RNGTT: variants seen among roughly 807,000 people sequenced by gnomAD.
RNGTT encodes mRNA-capping enzyme.
A neutral mutation model predicts 79.3 loss-of-function variants in RNGTT; 33 were observed. The observed-to-expected ratio is 0.42, with a 90% CI of 0.32 to 0.56. The LOEUF (loss-of-function observed/expected upper bound fraction) is 0.56, where lower values mean the gene tolerates loss of function less well. RNGTT is among the 20% of genes least tolerant of loss of function. The pLI is 0.17. For synonymous variants in RNGTT, 222 were observed against 235.9 expected (o/e 0.94, Z 0.54); for missense variants, 497 against 739.1 (o/e 0.67, Z 3.80).
At chr6:88,749,037 G>C (rs939511809) in intron 13 of RNGTT, among the ~76,000 whole-genome samples, 1 of 152,072 alleles carries the variant, frequency 6.6e-6, no homozygotes, top group African/African-American at 2.4e-5. Context: ...AACAAGGAAA[G>C]TCAGAAGATA....
intron 4 of RNGTT, among the ~76,000 whole-genome samples, chr6:88,910,222 A>C (rs1231394332): frequency 6.6e-6 from 1 of 152,232 alleles, no homozygotes; most frequent in Non-Finnish European, 1.5e-5. Context: ...GTTGAAATCC[A>C]ATCCAAGGAA....
chr6:88,678,909 T>C (rs1471266296), intron 13 of RNGTT, among the ~76,000 whole-genome samples: 1 of 152,196 alleles, frequency 6.6e-6, no homozygotes, highest in East Asian at 1.9e-4. Context: ...TTGAACAGCA[T>C]GAGTCCACTT....
At chr6:88,617,514 G>A (rs1048896026) in intron 14 of RNGTT, among the ~76,000 whole-genome samples, 2 of 152,036 alleles carry the variant, frequency 1.3e-5, no homozygotes, top group South Asian at 2.1e-4. Flanking sequence ...ATTTATTTCT[G>A]GGCTCTCTAT....
intron 13 of RNGTT, among the ~76,000 whole-genome samples, chr6:88,754,023 T>C (rs1476719072): frequency 6.6e-6 from 1 of 152,176 alleles, no homozygotes; most frequent in African/African-American, 2.4e-5. Context: ...ATTCTTGTCA[T>C]AATTTATAAA....
intron 8 of RNGTT, among the ~76,000 whole-genome samples, chr6:88,856,322 T>C (rs1320087252): frequency 6.6e-6 from 1 of 152,136 alleles, no homozygotes; most frequent in Non-Finnish European, 1.5e-5. Flanking sequence ...ACTGAAATTA[T>C]ATTTCCCCTT....
rs372077261 is a variant in RNGTT at position 88,963,433 on chromosome 6, C to G, written c.-24G>C. ...ATGTCTTGGGGCTGCGCAGAGCTGC[C>G]CTCCCTCACCAACGTTCACCGCGCC... On this transcript the variant is annotated 5_prime_UTR_variant, in exon 1 of 16. Coordinates refer to ENST00000369485, the MANE Select transcript of RNGTT (RefSeq NM_003800.5). 95 of 1,545,050 alleles carry G rather than the reference C, an allele frequency of 6.1e-5. No homozygotes were observed. The highest frequency in any genetic ancestry group is 8.2e-5 in the Non-Finnish European group (94 of 1,141,778).
At chr6:88,777,537 T>C (rs891071857) in intron 12 of RNGTT, among the ~76,000 whole-genome samples, 3 of 152,212 alleles carry the variant, frequency 2.0e-5, no homozygotes, top group Non-Finnish European at 4.4e-5. Flanking sequence ...GTTAAATTTA[T>C]TCCTAGGTAT....
At chr6:88,807,264 TAAATAA>T in intron 11 of RNGTT, among the ~76,000 whole-genome samples, 1 of 151,764 alleles carries the variant, frequency 6.6e-6, no homozygotes, top group East Asian at 1.9e-4. Context: ...AACAAATAAA[TAAATAA>T]AAATAACATT....
intron 13 of RNGTT, among the ~76,000 whole-genome samples, chr6:88,697,419 C>T (rs1015148307): frequency 6.6e-6 from 1 of 151,792 alleles, no homozygotes; most frequent in Admixed American, 6.6e-5. Flanking sequence ...GGCGTGGTGG[C>T]GGGCACCTAT....
intron 14 of RNGTT, among the ~76,000 whole-genome samples, chr6:88,648,998 A>G (rs966043459): frequency 3.3e-5 from 5 of 152,180 alleles, no homozygotes; most frequent in African/African-American, 1.2e-4. Context: ...GTTCTTGGAA[A>G]CTGCGACCTT....
At chr6:88,771,401 A>G (rs1054508529) in intron 12 of RNGTT, among the ~76,000 whole-genome samples, 3 of 148,054 alleles carry the variant, frequency 2.0e-5, no homozygotes, top group Non-Finnish European at 4.5e-5. Flanking sequence ...TGTTGCATTA[A>G]CATATATGTC....
intron 14 of RNGTT, among the ~76,000 whole-genome samples, chr6:88,630,251 C>T (rs1242117192): frequency 6.6e-6 from 1 of 152,230 alleles, no homozygotes; most frequent in Non-Finnish European, 1.5e-5. Context: ...CAGCTGCCAG[C>T]TGCCAAAGAA....
At chr6:88,691,707 A>G (rs1427438943) in intron 13 of RNGTT, among the ~76,000 whole-genome samples, 1 of 152,192 alleles carries the variant, frequency 6.6e-6, no homozygotes, top group Non-Finnish European at 1.5e-5. Flanking sequence ...ATTAAGCTGT[A>G]TATTTATGTT....
intron 2 of RNGTT, among the ~76,000 whole-genome samples, chr6:88,939,314 T>C (rs985050162): frequency 6.6e-6 from 1 of 152,184 alleles, no homozygotes; most frequent in Non-Finnish European, 1.5e-5. Context: ...TTTATCTTTA[T>C]TTTTGTCTTA....
At chr6:88,853,278 C>T (rs1303599316) in intron 9 of RNGTT, among the ~76,000 whole-genome samples, 2 of 152,238 alleles carry the variant, frequency 1.3e-5, no homozygotes, top group East Asian at 1.9e-4. Flanking sequence ...GAGGCTGAGG[C>T]GGGTGGATCA....
intron 6 of RNGTT, among the ~76,000 whole-genome samples, chr6:88,893,899 A>G (rs558424841): frequency 5.9e-5 from 9 of 152,326 alleles, no homozygotes; most frequent in African/African-American, 2.2e-4. Context: ...TTACTACAAT[A>G]GTTCTGACAA....
intron 14 of RNGTT, among the ~76,000 whole-genome samples, chr6:88,646,995 C>A (rs1773589213): frequency 6.6e-6 from 1 of 152,092 alleles, no homozygotes; most frequent in Non-Finnish European, 1.5e-5. Flanking sequence ...ACGTTGTGCA[C>A]ATGTACCCTA....
intron 13 of RNGTT, among the ~76,000 whole-genome samples, chr6:88,749,217 A>G (rs1777764000): frequency 6.6e-6 from 1 of 152,184 alleles, no homozygotes; most frequent in Non-Finnish European, 1.5e-5. Context: ...CTGAAGTAAT[A>G]GAAGGAACAC....
chr6:88,814,560 G>A (rs900091112), intron 11 of RNGTT, among the ~76,000 whole-genome samples: 4 of 151,808 alleles, frequency 2.6e-5, no homozygotes, highest in Non-Finnish European at 5.9e-5. Flanking sequence ...TTAAACCTTT[G>A]TTCATGCTAT....
Sources: gnomAD v4.1 joint callset for allele counts (sites outside exome capture counted in the v4.1 genomes callset) on GRCh38, gnomAD v4.1.1 for gene constraint, MANE v1.5 for transcripts, NCBI Gene and HGNC (gene_info 2026-07-23, HGNC 2026-07-21) for gene names.